The following ITCH variants were observed in gnomAD, a reference collection of about 807,000 sequenced individuals.
ITCH encodes the protein E3 ubiquitin-protein ligase Itchy homolog.
A neutral mutation model predicts 126.8 loss-of-function variants in ITCH; 28 were observed. That is an observed-to-expected ratio of 0.22 (90% CI 0.16 to 0.30). The LOEUF is 0.30. Ranked by LOEUF, ITCH falls within the 10% of genes least tolerant of loss-of-function variation. The pLI is 1.00. For missense variants in ITCH, 631 were observed against 1,032.4 expected, an observed-to-expected ratio of 0.61 and a Z score of 5.33; for synonymous variants, 342 against 340.0, an observed-to-expected ratio of 1.01 and a Z score of -0.06.
intron 7 of ITCH, among the ~76,000 whole-genome samples, chr20:34,425,611 C>G (rs890357805): frequency 3.3e-5 from 5 of 152,202 alleles, no homozygotes; most frequent in South Asian, 2.1e-4. Context: ...CAATACTGCT[C>G]TGTTACTCTT....
At chr20:34,469,141 C>T (rs192280136) in intron 14 of ITCH, among the ~76,000 whole-genome samples, 4 of 152,196 alleles carry the variant, frequency 2.6e-5, no homozygotes, top group Admixed American at 1.3e-4. Context: ...TCAAAGTGAC[C>T]TCATGGTCTG....
At position 34,367,996 on chromosome 20, in the gene ITCH, C is replaced by T. The variant is rs994380549; in HGVS notation, c.-98-1398C>T. Among the ~76,000 whole-genome samples, 7 of 152,140 alleles carry T rather than the reference C, an allele frequency of 4.6e-5. No individual in the cohort carries two copies. In the South Asian group the frequency reaches 1.2e-3, roughly 27 times the overall value. On this transcript the variant is annotated intron_variant, in intron 1 of 24. Coordinates refer to ENST00000374864, the MANE Select transcript of ITCH (RefSeq NM_031483.7). ...TTAAGAAATTTGTGTTAGGGCCGGG[C>T]GCGGTGGCTCATGCCTGTAATCCCA...
chr20:34,387,100 C>G (rs560230853), intron 2 of ITCH, among the ~76,000 whole-genome samples: 1 of 150,768 alleles, frequency 6.6e-6, no homozygotes, highest in East Asian at 2.0e-4. Flanking sequence ...GTCAGGCATT[C>G]GAGACCAGCC....
intron 10 of ITCH, among the ~76,000 whole-genome samples, chr20:34,444,187 C>G (rs963082295): frequency 2.0e-5 from 3 of 152,166 alleles, no homozygotes; most frequent in African/African-American, 7.2e-5. Flanking sequence ...TCATTCGATT[C>G]ATTTATGAAT....
chr20:34,509,291 T>A lies in ITCH; in HGVS notation c.*1497T>A, dbSNP rs1427178962. The A allele has an allele frequency of 6.6e-6, 1 of 152,326 alleles. No individual in the cohort carries two copies. Among genetic ancestry groups the A allele is most frequent in the Non-Finnish European group, 1.5e-5 (1 of 68,036 alleles). The allele number at this position is 152,326 out of a possible 1,614,324, so 9.4% of individuals were successfully genotyped here. A position where few individuals can be genotyped will look rare whatever the true frequency, so the allele number is the denominator to read the frequency against. On this transcript the variant is annotated 3_prime_UTR_variant, in exon 25 of 25. Transcript: ENST00000374864. ...GGATGAAGCCTAAGCCAGCTGAGTCTCTATCATAGCTGAACCCTGAGGACA... is the reference window on the plus strand; with the variant it reads ...GGATGAAGCCTAAGCCAGCTGAGTCACTATCATAGCTGAACCCTGAGGACA...
intron 12 of ITCH, chr20:34,451,026 A>G (rs1308018536): frequency 6.6e-6 from 1 of 152,220 alleles, no homozygotes; most frequent in Non-Finnish European, 1.5e-5. Flanking sequence ...AGTGACTTAC[A>G]CTTATAATCC....
chr20:34,472,030 T>C (rs1987682981), intron 16 of ITCH, among the ~76,000 whole-genome samples: 2 of 152,054 alleles, frequency 1.3e-5, no homozygotes, highest in Non-Finnish European at 2.9e-5. Flanking sequence ...AAAAGATATA[T>C]ATGAGTTTTC....
intron 6 of ITCH, among the ~76,000 whole-genome samples, chr20:34,415,292 T>C (rs890833753): frequency 5.9e-5 from 9 of 152,160 alleles, no homozygotes; most frequent in African/African-American, 2.2e-4. Context: ...GCACAGTGGC[T>C]CACACCCCTT....
Position 34,510,803 on chromosome 20 carries a change from C to G in ITCH, c.*3009C>G, listed in dbSNP as rs1421323443. ...TTCAAATCCTGCCTGGGCAACATAG[C>G]AAGACCCTGTCTCTTAAAAAAACAA... is the stretch of plus-strand genomic sequence containing the variant. On this transcript the variant is annotated 3_prime_UTR_variant, in exon 25 of 25. Coordinates refer to ENST00000374864, the MANE Select transcript of ITCH (RefSeq NM_031483.7). The G allele has an allele frequency of 6.6e-6, 1 of 152,120 alleles. No individual in the cohort carries two copies. Among genetic ancestry groups the G allele is most frequent in the Non-Finnish European group, 1.5e-5 (1 of 68,028 alleles). 9.4% of individuals were successfully genotyped at this position (152,120 alleles called of 1,614,324 possible).
chr20:34,472,526 C>T (rs1277637349), intron 16 of ITCH, among the ~76,000 whole-genome samples: 3 of 151,962 alleles, frequency 2.0e-5, no homozygotes, highest in Admixed American at 6.6e-5. Context: ...AAAATGAAAA[C>T]ATCTGGTTAG....
At chr20:34,475,142 C>T (rs1371347341) in intron 16 of ITCH, among the ~76,000 whole-genome samples, 3 of 151,202 alleles carry the variant, frequency 2.0e-5, no homozygotes, top group Non-Finnish European at 2.9e-5. Context: ...GGGATGGCGG[C>T]CGGGCAGAGA....
intron 7 of ITCH, among the ~76,000 whole-genome samples, chr20:34,433,397 C>T (rs1982586639): frequency 6.6e-6 from 1 of 152,014 alleles, no homozygotes; most frequent in East Asian, 1.9e-4. Flanking sequence ...ATAAGAAATC[C>T]AGGCAGGGCA....
chr20:34,421,967 G>T lies in ITCH; in HGVS notation c.476-2513G>T, dbSNP rs570690079. 2.9e-4 allele frequency among the ~76,000 whole-genome samples: 44 copies of T among 152,292 alleles called. No individual in the cohort carries two copies. In the South Asian group the frequency reaches 3.9e-3, roughly 14 times the overall value. On this transcript the variant is annotated intron_variant, in intron 6 of 24. Transcript: ENST00000374864. ...AGAAGTTGAGGCTGCAGTGAGCTATGACCATGCCACTGTACTCCAGCCTGG... is the reference window on the plus strand; with the variant it reads ...AGAAGTTGAGGCTGCAGTGAGCTATTACCATGCCACTGTACTCCAGCCTGG...
intron 2 of ITCH, among the ~76,000 whole-genome samples, chr20:34,391,554 T>C (rs2038491195): frequency 6.6e-6 from 1 of 152,244 alleles, no homozygotes; most frequent in Non-Finnish European, 1.5e-5. Context: ...TGTGATTTAA[T>C]ATATGAATAT....
chr20:34,455,497 G>T (rs117489026), intron 12 of ITCH, among the ~76,000 whole-genome samples: 3,097 of 150,300 alleles, frequency 0.021, 53 homozygotes, highest in Middle Eastern at 0.045. Context: ...TTTTGAGACG[G>T]AGTCTTGCTC....
chr20:34,364,890 C>CAAA lies in ITCH; in HGVS notation c.-99+1560_-99+1562dup, dbSNP rs1234445956. Among the ~76,000 whole-genome samples, 129 of 42,472 alleles carry CAAA rather than the reference C, an allele frequency of 3.0e-3. 3 individuals are homozygous for CAAA. Among genetic ancestry groups the CAAA allele is most frequent in the African/African-American group, 0.011 (120 of 11,066 alleles). 27.9% of individuals were successfully genotyped at this position (42,472 alleles called of 152,430 possible). Reference sequence around the variant, plus strand: ...TGGGCGACAGAGCGAGACTCCGCCTCAAAAAAAAAAAAAAAAAAAAAGCAA... The same window carrying CAAA: ...TGGGCGACAGAGCGAGACTCCGCCTCAAAAAAAAAAAAAAAAAAAAAAAAGCAA... On this transcript the variant is annotated intron_variant, in intron 1 of 24. Transcript: ENST00000374864.
Position 34,407,398 on chromosome 20 carries a change from C to T in ITCH, c.71-1253C>T, listed in dbSNP as rs368197379. On this transcript the variant is annotated intron_variant, in intron 3 of 24. Transcript: ENST00000374864. Reference sequence around the variant, plus strand: ...TCTCCTGCCTCAGCCTCCTGAGTAGCTGGGATTACAGGCGCCTGCCACCAC... The same window carrying T: ...TCTCCTGCCTCAGCCTCCTGAGTAGTTGGGATTACAGGCGCCTGCCACCAC... Among the ~76,000 whole-genome samples the T allele has an allele frequency of 3.0e-3, 460 of 152,226 alleles. 5 individuals carry two copies. The South Asian group carries it at 0.033, about 11-fold the overall frequency.
chr20:34,436,007 G>A (rs1982958620), intron 7 of ITCH, among the ~76,000 whole-genome samples: 1 of 152,178 alleles, frequency 6.6e-6, no homozygotes. Context: ...AGTTGTACGG[G>A]TTATCAGATG....
intron 1 of ITCH, among the ~76,000 whole-genome samples, chr20:34,366,059 G>C (rs2037410282): frequency 6.6e-6 from 1 of 152,124 alleles, no homozygotes; most frequent in Non-Finnish European, 1.5e-5. Flanking sequence ...GGTCTTACAT[G>C]AAGAGTAGGA....
Sources: allele counts gnomAD v4.1 joint callset (sites outside exome capture counted in the v4.1 genomes callset), GRCh38; gene constraint gnomAD v4.1.1; transcripts MANE v1.5; gene names NCBI Gene and HGNC (gene_info 2026-07-23, HGNC 2026-07-21).